The following DYNC2H1 variants were observed in gnomAD, a reference collection of about 807,000 sequenced individuals.
DYNC2H1 encodes dynein cytoplasmic 2 heavy chain 1, also known as cytoplasmic dynein 2 heavy chain 1.
Under a neutral mutation model 570.0 loss-of-function variants are expected in DYNC2H1, and 410 were observed. That is an observed-to-expected ratio of 0.72 (90% CI 0.66 to 0.78). DYNC2H1 has a LOEUF of 0.78. Among genes scored for constraint, DYNC2H1 ranks in the 30% least tolerant of loss-of-function variants. The pLI is 0.00. For synonymous variants in DYNC2H1, 1,688 were observed against 1,677.6 expected (o/e 1.01, Z -0.15); for missense variants, 4,865 against 5,046.4 (o/e 0.96, Z 1.09).
chr11:103,155,011 G>A (rs989906528), intron 24 of DYNC2H1, among the ~76,000 whole-genome samples: 1 of 151,962 alleles, frequency 6.6e-6, no homozygotes, highest in Non-Finnish European at 1.5e-5. Context: ...AGAAATTTAT[G>A]TTAAAGTTAA....
intron 84 of DYNC2H1, among the ~76,000 whole-genome samples, chr11:103,426,651 A>G (rs948911198): frequency 2.0e-5 from 3 of 152,226 alleles, no homozygotes; most frequent in Non-Finnish European, 4.4e-5. Flanking sequence ...ATAAACACAC[A>G]AAATCTATGG....
In DYNC2H1 at chr11:103,289,276, T is replaced by C. The variant is rs11225656; in HGVS notation, c.11095+1671T>C. ...ATAAAACCCCAGTCTCCTGCACAGC[T>C]GGCTCTGTCTTGGTAAATCAACTCT... On this transcript the variant is annotated intron_variant, in intron 75 of 88. Transcript: ENST00000375735. This position sits in a 1 kb window ranked among gnomAD's most constrained non-coding sequence, Gnocchi z 4.2. Among the ~76,000 whole-genome samples the C allele has an allele frequency of 0.16, 25,083 of 152,068 alleles. 2,250 individuals carry two copies. Among genetic ancestry groups the C allele is most frequent in the Admixed American group, 0.25 (3,844 of 15,258 alleles).
Position 103,187,372 on chromosome 11 carries a change from G to A in DYNC2H1, c.6926G>A (p.Arg2309Gln), listed in dbSNP as rs1041027960. The change falls in exon 43 of 89, where the codon CGG becomes CAG. Residue 2309 changes from arginine to glutamine, a missense_variant. Physicochemically the swap from Arg to Gln is conservative, Grantham distance 43 (BLOSUM62 1). Around this residue, in one of 5 missense-constraint regions of DYNC2H1, gnomAD observed 2,401 missense variants for 2,454.6 expected, o/e 0.98. Coordinates refer to ENST00000375735, the MANE Select transcript of DYNC2H1 (RefSeq NM_001377.3). ...CTCAGGTACGCATTTTCACAACTCCGGTCCACTCAAATTGCTACAGTTCAC... is the reference window on the plus strand; with the variant it reads ...CTCAGGTACGCATTTTCACAACTCCAGTCCACTCAAATTGCTACAGTTCAC... ...MLLRYAFSQL[R>Q]STQIATVHCS... is the part of the protein sequence containing the mutation. The A allele has an allele frequency of 3.7e-6, 6 of 1,612,746 alleles. No homozygotes were observed. The highest frequency in any genetic ancestry group is 2.2e-5 in the East Asian group (1 of 44,836).
intron 36 of DYNC2H1, 37 bp downstream of exon 36, chr11:103,174,207 T>A (rs771925632): frequency 1.4e-6 from 2 of 1,464,878 alleles, no homozygotes; most frequent in Non-Finnish European, 1.9e-6. Context: ...AACTTATTTT[T>A]AAAAACATAA....
At chr11:103,160,621 A>T (rs185982374) in intron 28 of DYNC2H1, among the ~76,000 whole-genome samples, 1 of 152,192 alleles carries the variant, frequency 6.6e-6, no homozygotes, top group African/African-American at 2.4e-5. Flanking sequence ...AAATGGTAGG[A>T]ATGAATAAAC....
rs1350988819 is a variant in DYNC2H1, at chr11:103,228,217, A to G, written c.9354-3043A>G. ...GTATTGAGATGGGAGGTTTAGATCC[A>G]TTGCTGATGAGCTGGTATAATATTT... On this transcript the variant is annotated intron_variant, in intron 59 of 88. Transcript: ENST00000375735. The surrounding 1 kb of genome is among the most constrained non-coding windows in gnomAD (Gnocchi z 6.1). Among the ~76,000 whole-genome samples the G allele has an allele frequency of 6.6e-6, 1 of 152,104 alleles. No individual in the cohort carries two copies. Among genetic ancestry groups the G allele is most frequent in the African/African-American group, 2.4e-5 (1 of 41,424 alleles).
At chr11:103,120,880 G>C (rs1858669751) in intron 8 of DYNC2H1, 45 bp from the exon 9 acceptor site, 1 of 1,214,480 alleles carries the variant, frequency 8.2e-7, no homozygotes, top group African/African-American at 1.6e-5. Context: ...TATTTACTGA[G>C]TTGATCCGTT....
At chr11:103,323,819 T>A (rs1044224376) in intron 81 of DYNC2H1, 67 bp from the exon 82 acceptor site, 42 of 1,167,040 alleles carry the variant, frequency 3.6e-5, no homozygotes, top group Non-Finnish European at 5.0e-5. Context: ...TATTCTTTCT[T>A]ATTTCAATGA....
Position 103,197,866 on chromosome 11 carries a change from C to T in DYNC2H1, c.7709-67C>T, listed in dbSNP as rs889036889. ...ATTAACTTAAAAATGTTTTAGTAGG[C>T]AATGTATTTGTTGAACTCTCATTAC... On this transcript the variant is annotated intron_variant, in intron 47 of 88. Transcript: ENST00000375735. 2.0e-6 allele frequency: 3 copies of T among 1,477,236 alleles called. No homozygotes were observed. In the African/African-American group the frequency reaches 4.3e-5, roughly 21 times the overall value. The allele number at this position is 1,477,236 out of a possible 1,614,324, so 91.5% of individuals were successfully genotyped here. A position where few individuals can be genotyped will look rare whatever the true frequency, so the allele number is the denominator to read the frequency against.
chr11:103,213,891 A>G (rs1005001730), intron 54 of DYNC2H1, among the ~76,000 whole-genome samples: 5 of 152,174 alleles, frequency 3.3e-5, no homozygotes, highest in African/African-American at 9.7e-5. Flanking sequence ...TCTTAACCAT[A>G]AAATATTTGC....
chr11:103,297,758 A>T (rs897112538), intron 75 of DYNC2H1, among the ~76,000 whole-genome samples: 1 of 152,100 alleles, frequency 6.6e-6, no homozygotes, highest in African/African-American at 2.4e-5. Context: ...TCAATCTACC[A>T]TCAAATTCTT....
intron 59 of DYNC2H1, among the ~76,000 whole-genome samples, chr11:103,223,422 T>C (rs947240252): frequency 6.6e-6 from 1 of 152,090 alleles, no homozygotes; most frequent in Non-Finnish European, 1.5e-5. Flanking sequence ...AGTTTCGCTC[T>C]TGTTGCCCAG....
intron 83 of DYNC2H1, among the ~76,000 whole-genome samples, chr11:103,399,315 T>TC (rs1241055259): frequency 9.5e-6 from 1 of 104,916 alleles, no homozygotes; most frequent in African/African-American, 4.4e-5. Context: ...GCTAATTTTT[T>TC]TTTTTTTTTT....
At chr11:103,361,275 G>C (rs747776885) in intron 83 of DYNC2H1, among the ~76,000 whole-genome samples, 1 of 152,112 alleles carries the variant, frequency 6.6e-6, no homozygotes, top group South Asian at 2.1e-4. Flanking sequence ...TATTAAAGAG[G>C]TTCCAGAGGG....
chr11:103,371,050 C>T (rs1565535297), intron 83 of DYNC2H1, among the ~76,000 whole-genome samples: 1 of 152,024 alleles, frequency 6.6e-6, no homozygotes, highest in Non-Finnish European at 1.5e-5. Context: ...TTTGAGAAAA[C>T]TCAAACTCAA....
At chr11:103,400,170 A>T (rs542140104) in intron 84 of DYNC2H1, among the ~76,000 whole-genome samples, 2 of 152,164 alleles carry the variant, frequency 1.3e-5, no homozygotes, top group Non-Finnish European at 2.9e-5. Flanking sequence ...CCTATACATG[A>T]GCTTGAGTTT....
intron 82 of DYNC2H1, among the ~76,000 whole-genome samples, chr11:103,331,564 C>T (rs1938797411): frequency 6.6e-6 from 1 of 152,144 alleles, no homozygotes. Context: ...AAGTTATATG[C>T]ATTTGTAAGC....
intron 75 of DYNC2H1, among the ~76,000 whole-genome samples, chr11:103,296,269 T>C (rs1015152659): frequency 1.3e-5 from 2 of 152,202 alleles, no homozygotes; most frequent in Non-Finnish European, 2.9e-5. Flanking sequence ...AGGATTCTAT[T>C]TGGCCATCTT....
chr11:103,125,082 A>G lies in DYNC2H1; in HGVS notation c.1662-18A>G, dbSNP rs758196717. 44 of 1,578,642 alleles carry G rather than the reference A, an allele frequency of 2.8e-5. No individual in the cohort carries two copies. Among genetic ancestry groups the G allele is most frequent in the Non-Finnish European group, 3.7e-5 (43 of 1,155,620 alleles). On this transcript the variant is annotated intron_variant, in intron 11 of 88. Coordinates refer to ENST00000375735, the MANE Select transcript of DYNC2H1 (RefSeq NM_001377.3). ...GTGAGAACATGAAACTTAACAGGTT[A>G]TTTATTTTGTTTTATAGTATTGAGG...
Sources: gnomAD v4.1 joint callset for allele counts (sites outside exome capture counted in the v4.1 genomes callset) on GRCh38, gnomAD v4.1.1 for gene constraint, gnomAD v4.1.1 regional missense constraint, Gnocchi (gnomAD v3.1) non-coding constraint, MANE v1.5 for transcripts, NCBI Gene and HGNC (gene_info 2026-07-23, HGNC 2026-07-21) for gene names.